The following ZNF701 variants were observed in gnomAD, a reference collection of about 807,000 sequenced individuals.
ZNF701 encodes zinc finger protein 701.
In ZNF701, 6 loss-of-function variants were observed where a neutral mutation model predicts 7.1. The observed-to-expected ratio is 0.84, with a 90% CI of 0.46 to 1.66. The LOEUF is 1.66. Among genes scored for constraint, ZNF701 ranks in the 40% most tolerant of loss-of-function variants. ZNF701 has a pLI of 0.01. For synonymous variants in ZNF701, 166 were observed against 188.2 expected (o/e 0.88, Z 0.97); for missense variants, 541 against 559.2 (o/e 0.97, Z 0.33).
At chr19:52,588,704 GT>G, downstream of ZNF701, 1 of 242,568 alleles carries the variant, frequency 4.1e-6, no homozygotes, top group South Asian at 5.7e-5. Flanking sequence ...ATTCTGAAGC[GT>G]CCTAACTCAC....
At position 52,582,612 on chromosome 19, in the gene ZNF701, A is replaced by G. The variant is rs1249020716; in HGVS notation, c.553A>G (p.Lys185Glu). 1.9e-6 allele frequency: 3 copies of G among 1,614,160 alleles called. No individual in the cohort carries two copies. The highest frequency in any genetic ancestry group is 1.7e-6 in the Non-Finnish European group (2 of 1,180,040). ...ATCCCAACGAATTTCCTGTAGGCCA[A>G]AAACTCGTATTTCTAATAAGTATAG... Reference protein sequence around the residue: ...SASQRISCRPKTRISNKYRNN... With the variant: ...SASQRISCRPETRISNKYRNN... The change falls in exon 4 of 4, where the codon AAA becomes GAA. Residue 185 changes from lysine to glutamate, a missense_variant. Transcript: ENST00000391785.
the ZNF701 span, chr19:52,597,120 C>T: frequency 1.1e-6 from 1 of 905,928 alleles, no homozygotes; most frequent in Admixed American, 1.8e-5. Flanking sequence ...AATTTTCAGA[C>T]ATCGATCATA....
chr19:52,594,991 T>C, the ZNF701 span, among the ~76,000 whole-genome samples: 1 of 151,882 alleles, frequency 6.6e-6, no homozygotes, highest in Admixed American at 6.6e-5. Context: ...CTGAACTCTT[T>C]TTTTCTGGAC....
At position 52,582,407 on chromosome 19, in the gene ZNF701, C is replaced by A. The variant is rs140636201; in HGVS notation, c.348C>A (p.Thr116=). 45 of 1,612,230 alleles carry A rather than the reference C, an allele frequency of 2.8e-5. 1 individual carries two copies. In the South Asian group the frequency reaches 3.7e-4, roughly 13 times the overall value. ...GCCATGAAGCACTCATGACAAAAAC[C>A]AAAAAGTTGATGAGTAGTACAGAGC... is the stretch of plus-strand genomic sequence containing the variant. ...TNGHEALMTK[T]KKLMSSTERH... The change falls in exon 4 of 4, where the codon ACC becomes ACA. Residue 116 remains threonine, a synonymous_variant. Coordinates refer to ENST00000391785, the MANE Select transcript of ZNF701 (RefSeq NM_018260.3).
intron 3 of ZNF701, among the ~76,000 whole-genome samples, chr19:52,579,520 C>CAAAAAAAAAAAAAAAAAAA (rs34682718): frequency 1.7e-5 from 1 of 60,194 alleles, no homozygotes; most frequent in African/African-American, 1.1e-4. Context: ...AACTCTGTCT[C>CAAAAAAAAAAAAAAAAAAA]AAAAAAAAAA....
chr19:52,583,299 G>T lies in ZNF701; in HGVS notation c.1240G>T (p.Glu414Ter), dbSNP rs1235279936. ...HTGEKRYKCN[E>*]CGKVFNHKSN... ...TGGAGAGAAACGTTACAAGTGTAAT[G>T]AATGTGGCAAGGTTTTTAATCACAA... The change falls in exon 4 of 4, where the codon GAA (glutamate) becomes TAA (stop). Residue 414 changes from glutamate (E) to a stop codon, truncating the protein, a stop_gained. Coordinates refer to ENST00000391785, the MANE Select transcript of ZNF701 (RefSeq NM_018260.3). LOFTEE classifies it low-confidence loss of function (END_TRUNC). The T allele has an allele frequency of 6.2e-7, 1 of 1,613,700 alleles. No individual in the cohort carries two copies. The highest frequency in any genetic ancestry group is 2.2e-5 in the East Asian group (1 of 44,850).
chr19:52,599,661 C>A, the ZNF701 span, among the ~76,000 whole-genome samples: 1 of 152,192 alleles, frequency 6.6e-6, no homozygotes, highest in South Asian at 2.1e-4. Context: ...GAAATCTTAA[C>A]GTCTCTACTT....
At chr19:52,597,205 A>C in the ZNF701 span, 14 of 561,698 alleles carry the variant, frequency 2.5e-5, no homozygotes, top group East Asian at 5.9e-4. Flanking sequence ...GTCTTCAGTC[A>C]AGCTTCATCC....
At chr19:52,588,477 A>T (rs74176155), downstream of ZNF701, 37,754 of 202,608 alleles carry the variant, frequency 0.19, 4,261 homozygotes, top group African/African-American at 0.27. Context: ...AGAGCTAGAC[A>T]CCATCTCAAA....
At chr19:52,596,544 G>A in the ZNF701 span, 6 of 403,218 alleles carry the variant, frequency 1.5e-5, 1 homozygote, top group South Asian at 9.6e-5. Flanking sequence ...CACATGTAAC[G>A]AATGTGGCAA....
intron 1 of ZNF701, among the ~76,000 whole-genome samples, chr19:52,573,599 C>G (rs1225228753): frequency 6.6e-6 from 1 of 152,086 alleles, no homozygotes; most frequent in East Asian, 1.9e-4. Context: ...GTCTCAAACT[C>G]CTGAGCTCTA....
the ZNF701 span, among the ~76,000 whole-genome samples, chr19:52,598,297 A>G: frequency 1.3e-5 from 2 of 152,194 alleles, no homozygotes; most frequent in African/African-American, 4.8e-5. Flanking sequence ...GTGTTGGGCC[A>G]CCTGTACTGA....
chr19:52,585,566 A>AAC lies in ZNF701; in HGVS notation c.*2109_*2110insAC, dbSNP rs1555774419. 115 of 149,830 alleles carry AAC rather than the reference A, an allele frequency of 7.7e-4. No individual in the cohort carries two copies. In the Middle Eastern group the frequency reaches 0.01, roughly 13 times the overall value. The allele number at this position is 149,830 out of a possible 1,614,324, so 9.3% of individuals were successfully genotyped here. A position where few individuals can be genotyped will look rare whatever the true frequency, so the allele number is the denominator to read the frequency against. ...CATAGAATTGAAGAAAAAAAAAAAA[A>AAC]CCCCACAAAGTAACAAAAGAATGAA... On this transcript the variant is annotated 3_prime_UTR_variant, in exon 4 of 4. Coordinates refer to ENST00000391785, the MANE Select transcript of ZNF701 (RefSeq NM_018260.3).
chr19:52,588,927 G>C (rs2147004338), downstream of ZNF701, among the ~76,000 whole-genome samples: 1 of 152,256 alleles, frequency 6.6e-6, no homozygotes, highest in Admixed American at 6.5e-5. Flanking sequence ...ATTTTTTGTA[G>C]AGACAGGTTT....
chr19:52,588,714 A>C (rs2060025133), downstream of ZNF701: 2 of 229,766 alleles, frequency 8.7e-6, no homozygotes, highest in African/African-American at 4.6e-5. Context: ...GTCCTAACTC[A>C]CAAGTTTGCT....
At chr19:52,596,130 G>T in the ZNF701 span, 2 of 836,800 alleles carry the variant, frequency 2.4e-6, no homozygotes, top group Non-Finnish European at 2.0e-6. Flanking sequence ...TGTAATGAGT[G>T]TGGCAAAGCC....
chr19:52,572,474 G>T, intron 1 of ZNF701: 1 of 1,153,852 alleles, frequency 8.7e-7, no homozygotes, highest in Non-Finnish European at 1.1e-6. Context: ...ACTTGCAAAG[G>T]AAGTTTCTTT....
the ZNF701 span, chr19:52,598,969 C>A: frequency 6.6e-6 from 1 of 151,940 alleles, no homozygotes; most frequent in Non-Finnish European, 1.5e-5. Flanking sequence ...AGAGATTTTT[C>A]TTTCCTTTTG....
chr19:52,599,188 C>T, the ZNF701 span, among the ~76,000 whole-genome samples: 20 of 151,288 alleles, frequency 1.3e-4, no homozygotes, highest in African/African-American at 1.7e-4. Context: ...CCACTATGCC[C>T]GGCTAACTTT....
Sources: gnomAD v4.1 joint callset for allele counts (sites outside exome capture counted in the v4.1 genomes callset) on GRCh38, gnomAD v4.1.1 for gene constraint, MANE v1.5 for transcripts, NCBI Gene and HGNC (gene_info 2026-07-23, HGNC 2026-07-21) for gene names.